RAP1GAP: variants seen among roughly 807,000 people sequenced by gnomAD.
The protein encoded by RAP1GAP is RAP1 GTPase activating protein.
Under a neutral mutation model 87.2 loss-of-function variants are expected in RAP1GAP, and 35 were observed. That is an observed-to-expected ratio of 0.40 (90% CI 0.31 to 0.53). The LOEUF (loss-of-function observed/expected upper bound fraction) is 0.53, where lower values mean the gene tolerates loss of function less well. RAP1GAP is among the 20% of genes least tolerant of loss of function. RAP1GAP has a pLI of 0.48. For missense variants in RAP1GAP, 734 were observed against 898.9 expected, an observed-to-expected ratio of 0.82 and a Z score of 2.35; for synonymous variants, 375 against 363.9, an observed-to-expected ratio of 1.03 and a Z score of -0.35.
Position 21,613,979 on chromosome 1 carries a change from C to T in RAP1GAP, c.395+7G>A, listed in dbSNP as rs757893110. On this transcript the variant is annotated splice_region_variant and intron_variant, in intron 8 of 24. Transcript: ENST00000374765. The surrounding 1 kb of genome is among the most constrained non-coding windows in gnomAD (Gnocchi z 4.7). ...CTGCCATCTCAGGACTCCCCCACCA[C>T]CCTCACCTGAGCAGCAGCCGCAGGT... 1.4e-5 allele frequency: 22 copies of T among 1,591,054 alleles called. No individual in the cohort carries two copies. In the East Asian group the frequency reaches 3.6e-4, roughly 26 times the overall value.
chr1:21,603,131 A>G lies in RAP1GAP; in HGVS notation c.1429-218T>C. 2 of 554,168 alleles carry G rather than the reference A, an allele frequency of 3.6e-6. No homozygotes were observed. The highest frequency in any genetic ancestry group is 2.9e-5 in the East Asian group (1 of 33,942). 34.3% of individuals were successfully genotyped at this position (554,168 alleles called of 1,614,324 possible). A position where few individuals can be genotyped will look rare whatever the true frequency, so the allele number is the denominator to read the frequency against. On this transcript the variant is annotated intron_variant, in intron 18 of 24. Transcript: ENST00000374765. This position sits in a 1 kb window ranked among gnomAD's most constrained non-coding sequence, Gnocchi z 6.0. ...GGCTCTCCCGAGCTCACACGGCAGGACTGCACGTCAATACTGGCCCAGGAT... is the reference window on the plus strand; with the variant it reads ...GGCTCTCCCGAGCTCACACGGCAGGGCTGCACGTCAATACTGGCCCAGGAT...
intron 5 of RAP1GAP, 109 bp from the exon 6 acceptor site, chr1:21,618,081 T>C: frequency 7.7e-7 from 1 of 1,294,782 alleles, no homozygotes; most frequent in Non-Finnish European, 1.1e-6. Context: ...GATGGGGCCC[T>C]GGCCTCATCA....
At position 21,613,795 on chromosome 1, in the gene RAP1GAP, G is replaced by A; in HGVS notation, c.396-89C>T. The A allele has an allele frequency of 1.5e-6, 2 of 1,345,026 alleles. No individual in the cohort carries two copies. The highest frequency in any genetic ancestry group is 1.2e-5 in the South Asian group (1 of 85,370). 83.3% of individuals were successfully genotyped at this position (1,345,026 alleles called of 1,614,324 possible). A position where few individuals can be genotyped will look rare whatever the true frequency, so the allele number is the denominator to read the frequency against. The stretch of plus-strand genomic sequence containing the variant: ...CCCCACAAAGTAAGGCCAGAAGGGG[G>A]TGGACCACAGCGAGGACCAGAGGTG... On this transcript the variant is annotated intron_variant, in intron 8 of 24. Transcript: ENST00000374765. This position sits in a 1 kb window ranked among gnomAD's most constrained non-coding sequence, Gnocchi z 4.7.
rs761012020 is a variant in RAP1GAP, at chr1:21,603,668, A to G, written c.1429-755T>C. On this transcript the variant is annotated intron_variant, in intron 18 of 24. Coordinates refer to ENST00000374765, the MANE Select transcript of RAP1GAP (RefSeq NM_002885.4). This position sits in a 1 kb window ranked among gnomAD's most constrained non-coding sequence, Gnocchi z 6.0. ...CTCTGGCACAGGTACCAGGCCCCAA[A>G]GCAGGTGCTGAGTGCCATCGGAGCT... is the stretch of plus-strand genomic sequence containing the variant. The G allele has an allele frequency of 1.1e-5, 9 of 797,496 alleles. No homozygotes were observed. Among genetic ancestry groups the G allele is most frequent in the African/African-American group, 5.0e-5 (3 of 59,746 alleles). The allele number at this position is 797,496 out of a possible 1,614,324, so 49.4% of individuals were successfully genotyped here. A position where few individuals can be genotyped will look rare whatever the true frequency, so the allele number is the denominator to read the frequency against.
At chr1:21,638,064 C>T (rs1364910368) in intron 2 of RAP1GAP, among the ~76,000 whole-genome samples, 2 of 147,578 alleles carry the variant, frequency 1.4e-5, no homozygotes, top group East Asian at 4.0e-4. Context: ...GGTGGGAAGA[C>T]TGATTGAGCC....
intron 13 of RAP1GAP, 95 bp downstream of exon 13, chr1:21,611,357 G>C (rs1208336760): frequency 6.8e-7 from 1 of 1,460,190 alleles, no homozygotes; most frequent in Non-Finnish European, 9.2e-7. Flanking sequence ...CCATCCCAGG[G>C]CCCAGCGCTG....
intron 1 of RAP1GAP, chr1:21,667,487 A>C (rs978981754): frequency 2.6e-5 from 4 of 152,280 alleles, no homozygotes; most frequent in African/African-American, 7.2e-5. Context: ...AAGCACCATT[A>C]TGGTGCTCCA....
intron 10 of RAP1GAP, among the ~76,000 whole-genome samples, chr1:21,612,399 GC>G (rs2078961872): frequency 6.6e-6 from 1 of 152,072 alleles, no homozygotes; most frequent in Non-Finnish European, 1.5e-5. Context: ...TTTGCTGTGA[GC>G]CCCAGTCCTG....
intron 2 of RAP1GAP, among the ~76,000 whole-genome samples, chr1:21,639,157 T>TGCTCCTAGCGCGGGCTCC (rs916275280): frequency 3.3e-5 from 5 of 152,234 alleles, no homozygotes; most frequent in Admixed American, 3.3e-4. Context: ...ATGTAGGCTC[T>TGCTCCTAGCGCGGGCTCC]GCTCCTAGCG....
At position 21,634,714 on chromosome 1, in the gene RAP1GAP, C is replaced by T. The variant is rs563464729; in HGVS notation, c.-112-8317G>A. The T allele has an allele frequency of 8.2e-5, 35 of 425,500 alleles. No individual in the cohort carries two copies. Among genetic ancestry groups the T allele is most frequent in the African/African-American group, 6.5e-4 (32 of 49,140 alleles). The allele number at this position is 425,500 out of a possible 1,614,324, so 26.4% of individuals were successfully genotyped here. ...CAGCCTAGAGAGGTGGTCACGGGAC[C>T]GGTCCCTGCCCAGGGCACAGCATCT... On this transcript the variant is annotated intron_variant, in intron 2 of 24. Coordinates refer to ENST00000374765, the MANE Select transcript of RAP1GAP (RefSeq NM_002885.4). The surrounding 1 kb of genome is among the most constrained non-coding windows in gnomAD (Gnocchi z 4.1).
At chr1:21,623,866 TGTGTGCCAG>T (rs1446806419) in intron 3 of RAP1GAP, among the ~76,000 whole-genome samples, 4 of 152,208 alleles carry the variant, frequency 2.6e-5, no homozygotes, top group African/African-American at 9.6e-5. Context: ...TGGAGATGGC[TGTGTGCCAG>T]GTGGCATGGA....
chr1:21,622,725 C>G lies in RAP1GAP; in HGVS notation c.-18-2675G>C, dbSNP rs963603883. 3.3e-5 allele frequency among the ~76,000 whole-genome samples: 5 copies of G among 151,634 alleles called. No individual in the cohort carries two copies. Among genetic ancestry groups the G allele is most frequent in the Non-Finnish European group, 5.9e-5 (4 of 67,906 alleles). ...GCCCGAGCGCTAGAAGCTTTGGGTGCGTCGGGCTCCCCGAGGGGGCCCCCC... is the reference window on the plus strand; with the variant it reads ...GCCCGAGCGCTAGAAGCTTTGGGTGGGTCGGGCTCCCCGAGGGGGCCCCCC... On this transcript the variant is annotated intron_variant, in intron 3 of 24. Transcript: ENST00000374765. The surrounding 1 kb of genome is among the most constrained non-coding windows in gnomAD (Gnocchi z 5.7).
chr1:21,620,689 T>A (rs1333932619), intron 3 of RAP1GAP, among the ~76,000 whole-genome samples: 1 of 152,132 alleles, frequency 6.6e-6, no homozygotes. Flanking sequence ...CTGCGAGCCT[T>A]CCTGGAAGGC....
rs1223220915 is a variant in RAP1GAP, at chr1:21,664,954, T to C, written c.-149+4300A>G. On this transcript the variant is annotated intron_variant, in intron 1 of 24. Coordinates refer to ENST00000374765, the MANE Select transcript of RAP1GAP (RefSeq NM_002885.4). ...GCAAATAAAAGCTCGTCATCCCCGT[T>C]CTAGGGAGAAAGAAATGAGGCACAG... Among the ~76,000 whole-genome samples the C allele has an allele frequency of 2.0e-5, 3 of 152,134 alleles. No individual in the cohort carries two copies. The East Asian group carries it at 5.8e-4, about 29-fold the overall frequency.
chr1:21,669,131 C>A lies in RAP1GAP; in HGVS notation c.-149+123G>T, dbSNP rs1485772475. On this transcript the variant is annotated intron_variant, in intron 1 of 24. Transcript: ENST00000374765. This position sits in a 1 kb window ranked among gnomAD's most constrained non-coding sequence, Gnocchi z 5.6. ...CCCCTGGAGACCCGGGTCCCCCACGCGTTCGCCCCCACCCTCCGTCCCCGC... is the reference window on the plus strand; with the variant it reads ...CCCCTGGAGACCCGGGTCCCCCACGAGTTCGCCCCCACCCTCCGTCCCCGC... 5 of 1,071,970 alleles carry A rather than the reference C, an allele frequency of 4.7e-6. No homozygotes were observed. Among genetic ancestry groups the A allele is most frequent in the Non-Finnish European group, 4.7e-6 (4 of 850,768 alleles). 66.4% of individuals were successfully genotyped at this position (1,071,970 alleles called of 1,614,324 possible).
At chr1:21,628,730 A>C (rs1049575918) in intron 2 of RAP1GAP, among the ~76,000 whole-genome samples, 5 of 152,092 alleles carry the variant, frequency 3.3e-5, no homozygotes, top group African/African-American at 1.2e-4. Context: ...AATAAAAAAA[A>C]TACAAAAATT....
chr1:21,651,609 C>T (rs1367686891), intron 1 of RAP1GAP: 3 of 712,486 alleles, frequency 4.2e-6, no homozygotes, highest in South Asian at 4.1e-5. Flanking sequence ...CACACACAGG[C>T]GCCACAGCAC....
intron 2 of RAP1GAP, among the ~76,000 whole-genome samples, chr1:21,640,920 G>C (rs780715526): frequency 3.9e-4 from 59 of 152,052 alleles, no homozygotes; most frequent in Middle Eastern, 3.2e-3. Flanking sequence ...TTTTTTGTGT[G>C]TGTGTGGGAT....
intron 2 of RAP1GAP, among the ~76,000 whole-genome samples, chr1:21,631,927 C>T (rs747198257): frequency 9.9e-5 from 15 of 152,268 alleles, no homozygotes; most frequent in Middle Eastern, 3.4e-3. Context: ...CCTCCCATCA[C>T]GGCCCTGGCT....
Sources: gnomAD v4.1 joint callset for allele counts (sites outside exome capture counted in the v4.1 genomes callset) on GRCh38, gnomAD v4.1.1 for gene constraint, Gnocchi (gnomAD v3.1) non-coding constraint, MANE v1.5 for transcripts, NCBI Gene and HGNC (gene_info 2026-07-23, HGNC 2026-07-21) for gene names.